Variants in CCDC38 observed in about 807,000 individuals in gnomAD.
CCDC38 encodes coiled-coil domain containing 38.
Under a neutral mutation model 72.8 loss-of-function variants are expected in CCDC38, and 69 were observed. The observed-to-expected ratio is 0.95, with a 90% CI of 0.78 to 1.16. CCDC38 has a LOEUF of 1.16. Ranked by LOEUF, CCDC38 falls within the 50% of genes most tolerant of loss-of-function variation. CCDC38 has a pLI of 0.00. For missense variants in CCDC38, 626 were observed against 638.9 expected (o/e 0.98, Z 0.22); for synonymous variants, 201 against 213.2 (o/e 0.94, Z 0.50).
intron 2 of CCDC38, among the ~76,000 whole-genome samples, chr12:95,929,394 C>T (rs199545296): frequency 1.1e-4 from 16 of 152,320 alleles, no homozygotes; most frequent in Admixed American, 7.8e-4. Flanking sequence ...TGCCCTGCTT[C>T]GGCTCATGCA....
In CCDC38 at chr12:95,928,904, C is replaced by G. The variant is rs1444559421; in HGVS notation, c.37+7569G>C. Among the ~76,000 whole-genome samples the G allele has an allele frequency of 2.0e-5, 3 of 152,346 alleles. No individual in the cohort carries two copies. The East Asian group carries it at 5.8e-4, about 29-fold the overall frequency. Reference sequence around the variant, plus strand: ...GGAGGCAGTCTGCCCGTTCTCAGATCTCCAGCTGCCTGCTGGGAGAACCAC... The same window carrying G: ...GGAGGCAGTCTGCCCGTTCTCAGATGTCCAGCTGCCTGCTGGGAGAACCAC... On this transcript the variant is annotated intron_variant, in intron 2 of 15. Transcript: ENST00000344280.
At chr12:95,897,252 T>C (rs531273275) in intron 7 of CCDC38, among the ~76,000 whole-genome samples, 1 of 152,254 alleles carries the variant, frequency 6.6e-6, no homozygotes, top group East Asian at 1.9e-4. Context: ...AACACTACAG[T>C]GTATTCTGAA....
At chr12:95,907,585 A>C (rs75155743) in intron 4 of CCDC38, among the ~76,000 whole-genome samples, 1,896 of 101,974 alleles carry the variant, frequency 0.019, 17 homozygotes, top group South Asian at 0.04. Flanking sequence ...GGGGACTGAC[A>C]CCCCCACCTC....
intron 4 of CCDC38, among the ~76,000 whole-genome samples, chr12:95,908,327 CGGCGCGCGCCTGCAA>C (rs2080037259): frequency 6.7e-6 from 1 of 149,756 alleles, no homozygotes. Flanking sequence ...TCAGGCGTGG[CGGCGCGCGCCTGCAA>C]TCGCAGGCAC....
chr12:95,918,430 C>T (rs1446888693), intron 3 of CCDC38, among the ~76,000 whole-genome samples: 2 of 152,162 alleles, frequency 1.3e-5, no homozygotes, highest in African/African-American at 4.8e-5. Context: ...GATGAACACC[C>T]CTTTCTCTAT....
intron 1 of CCDC38, among the ~76,000 whole-genome samples, chr12:95,936,978 G>A (rs1247381776): frequency 1.3e-5 from 2 of 152,200 alleles, no homozygotes; most frequent in African/African-American, 4.8e-5. Context: ...GTGATTTGGT[G>A]CAGTCTCTCA....
chr12:95,906,506 G>T, intron 4 of CCDC38, 55 bp from the exon 5 acceptor site: 1 of 1,221,622 alleles, frequency 8.2e-7, no homozygotes, highest in Non-Finnish European at 1.2e-6. Flanking sequence ...TAAAAATGCT[G>T]TATAAAATAA....
chr12:95,892,278 CT>C (rs774500212), intron 8 of CCDC38, among the ~76,000 whole-genome samples: 430 of 75,996 alleles, frequency 5.7e-3, no homozygotes, highest in Middle Eastern at 0.01. Flanking sequence ...TTATTACAAT[CT>C]TTTTTTTTTT....
At chr12:95,927,217 TG>T (rs1338664548) in intron 2 of CCDC38, among the ~76,000 whole-genome samples, 1 of 151,144 alleles carries the variant, frequency 6.6e-6, no homozygotes, top group Non-Finnish European at 1.5e-5. Context: ...TTTATGAATC[TG>T]GGTGCTCCTG....
chr12:95,900,403 A>G (rs192424660), intron 5 of CCDC38, among the ~76,000 whole-genome samples: 1 of 152,238 alleles, frequency 6.6e-6, no homozygotes, highest in Non-Finnish European at 1.5e-5. Context: ...GTCTTTATTC[A>G]GACGAAAACG....
chr12:95,878,018 T>G (rs570190422), intron 13 of CCDC38, among the ~76,000 whole-genome samples, 193 bp downstream of exon 13: 1 of 152,348 alleles, frequency 6.6e-6, no homozygotes, highest in East Asian at 1.9e-4. Context: ...CAATGCCAAT[T>G]TGAATGCTTT....
rs371268705 is a variant in CCDC38, at chr12:95,935,975, G to A, written c.37+498C>T. 1.1e-4 allele frequency among the ~76,000 whole-genome samples: 16 copies of A among 152,212 alleles called. No individual in the cohort carries two copies. The South Asian group carries it at 3.1e-3, about 30-fold the overall frequency. ...TGCCTCTAATCCCAGCTACTTGGGA[G>A]GCTGAGGAAGGAGAATCACTTGAAC... On this transcript the variant is annotated intron_variant, in intron 2 of 15. Coordinates refer to ENST00000344280, the MANE Select transcript of CCDC38 (RefSeq NM_182496.3).
intron 2 of CCDC38, among the ~76,000 whole-genome samples, chr12:95,922,432 G>A (rs1006510006): frequency 3.9e-5 from 6 of 152,186 alleles, no homozygotes; most frequent in African/African-American, 1.2e-4. Flanking sequence ...AGTGGTGGGA[G>A]GCAACTTTGT....
At chr12:95,942,998 C>T (rs2080470423), upstream of CCDC38, 1 of 162,302 alleles carries the variant, frequency 6.2e-6, no homozygotes, top group South Asian at 1.7e-4. Context: ...GTCCCTCACT[C>T]CCGAACACTC....
intron 15 of CCDC38, 71 bp from the exon 16 acceptor site, chr12:95,867,260 T>C: frequency 6.3e-6 from 5 of 788,776 alleles, no homozygotes; most frequent in Non-Finnish European, 8.7e-6. Flanking sequence ...ATTTGTGAAA[T>C]ACCAATATTA....
rs922734357 is a variant in CCDC38, at chr12:95,895,212, T to A, written c.615-66A>T. 111 of 1,206,618 alleles carry A rather than the reference T, an allele frequency of 9.2e-5. 1 individual carries two copies. Among genetic ancestry groups the A allele is most frequent in the South Asian group, 6.8e-4 (36 of 53,062 alleles). The allele number at this position is 1,206,618 out of a possible 1,614,324, so 74.7% of individuals were successfully genotyped here. ...TGAAAGCACATTCATTAGAAAAAAATTTTTATAAAATTGTTTCTCTTATGT... is the reference window on the plus strand; with the variant it reads ...TGAAAGCACATTCATTAGAAAAAAAATTTTATAAAATTGTTTCTCTTATGT... On this transcript the variant is annotated intron_variant, in intron 7 of 15. Transcript: ENST00000344280.
intron 15 of CCDC38, among the ~76,000 whole-genome samples, chr12:95,868,616 G>A (rs1403122493): frequency 6.6e-6 from 1 of 152,182 alleles, no homozygotes; most frequent in Non-Finnish European, 1.5e-5. Flanking sequence ...CATTCGTTAT[G>A]TGTTAGCTAT....
chr12:95,893,168 C>A (rs907059650), intron 8 of CCDC38, among the ~76,000 whole-genome samples: 2 of 152,146 alleles, frequency 1.3e-5, no homozygotes, highest in African/African-American at 4.8e-5. Flanking sequence ...TATTTGGCAA[C>A]TTTACAATAT....
At chr12:95,895,744 A>T (rs113150861) in intron 7 of CCDC38, among the ~76,000 whole-genome samples, 3,541 of 121,036 alleles carry the variant, frequency 0.029, 50 homozygotes, top group Middle Eastern at 0.033. Flanking sequence ...CAAGAGCAAA[A>T]CTCTGTCTCG....
Sources: gnomAD v4.1 joint callset for allele counts (sites outside exome capture counted in the v4.1 genomes callset) on GRCh38, gnomAD v4.1.1 for gene constraint, MANE v1.5 for transcripts, NCBI Gene and HGNC (gene_info 2026-07-23, HGNC 2026-07-21) for gene names.